HFM1: variants seen among roughly 807,000 people sequenced by gnomAD.
The protein encoded by HFM1 is probable ATP-dependent DNA helicase HFM1.
A neutral mutation model predicts 192.1 loss-of-function variants in HFM1; 169 were observed. The observed-to-expected ratio is 0.88, with a 90% CI of 0.78 to 1.00. The LOEUF (loss-of-function observed/expected upper bound fraction) is 1.00. Ranked by LOEUF, HFM1 falls within the 50% of genes least tolerant of loss-of-function variation. HFM1 has a pLI of 0.00. For missense variants in HFM1, 1,661 were observed against 1,668.0 expected (o/e 1.00, Z 0.07); for synonymous variants, 525 against 537.8 (o/e 0.98, Z 0.33).
intron 19 of HFM1, among the ~76,000 whole-genome samples, chr1:91,344,944 A>C (rs1163444799): frequency 1.3e-5 from 2 of 151,634 alleles, no homozygotes; most frequent in African/African-American, 2.4e-5. Context: ...TAAAGGTGGG[A>C]TCTCCCTATG....
chr1:91,305,086 G>A (rs1463328336), intron 30 of HFM1, among the ~76,000 whole-genome samples: 2 of 152,226 alleles, frequency 1.3e-5, no homozygotes, highest in Non-Finnish European at 2.9e-5. Context: ...AACAAGTTTT[G>A]AAACCAAGAA....
chr1:91,365,967 T>C (rs1262430622), intron 13 of HFM1, among the ~76,000 whole-genome samples: 5 of 48,230 alleles, frequency 1.0e-4, no homozygotes, highest in African/African-American at 7.4e-4. Context: ...GGTATGTTCC[T>C]GAAAAAAAAA....
chr1:91,319,990 A>G (rs1016033909), intron 23 of HFM1, among the ~76,000 whole-genome samples: 2 of 152,252 alleles, frequency 1.3e-5, no homozygotes, highest in East Asian at 1.9e-4. Context: ...GTTCAAGGGG[A>G]AAAAAGACAC....
At chr1:91,332,734 A>T (rs1394038445) in intron 20 of HFM1, among the ~76,000 whole-genome samples, 1 of 152,194 alleles carries the variant, frequency 6.6e-6, no homozygotes, top group Non-Finnish European at 1.5e-5. Context: ...ATATATAAGG[A>T]GCTCAAACAA....
At chr1:91,370,217 G>A (rs1455716502) in intron 13 of HFM1, among the ~76,000 whole-genome samples, 1 of 152,036 alleles carries the variant, frequency 6.6e-6, no homozygotes, top group African/African-American at 2.4e-5. Context: ...AGAAAAAGAG[G>A]GAATCCTCCC....
chr1:91,357,725 C>T (rs1478898701), intron 13 of HFM1, among the ~76,000 whole-genome samples: 1 of 152,134 alleles, frequency 6.6e-6, no homozygotes, highest in Non-Finnish European at 1.5e-5. Flanking sequence ...CATTAAAAAA[C>T]TGTTAGAACT....
At chr1:91,321,471 A>G (rs1009135504) in intron 23 of HFM1, among the ~76,000 whole-genome samples, 2 of 151,978 alleles carry the variant, frequency 1.3e-5, no homozygotes, top group African/African-American at 4.8e-5. Flanking sequence ...AAATAAAAAT[A>G]ATAAAAAGGG....
intron 36 of HFM1, 74 bp from the exon 37 acceptor site, chr1:91,262,666 T>C: frequency 1.1e-6 from 1 of 889,506 alleles, no homozygotes; most frequent in Non-Finnish European, 1.8e-6. Flanking sequence ...CATAATGATT[T>C]TTGGGGAATA....
intron 20 of HFM1, among the ~76,000 whole-genome samples, chr1:91,336,928 C>A (rs918205917): frequency 6.6e-6 from 1 of 152,172 alleles, no homozygotes; most frequent in Non-Finnish European, 1.5e-5. Context: ...ATGTCCTCTG[C>A]AGGAAAATGG....
At chr1:91,300,849 G>T (rs1330203206) in intron 30 of HFM1, among the ~76,000 whole-genome samples, 2 of 152,146 alleles carry the variant, frequency 1.3e-5, no homozygotes, top group Non-Finnish European at 2.9e-5. Flanking sequence ...ACAAAAACTG[G>T]AAGCATTCCC....
intron 30 of HFM1, among the ~76,000 whole-genome samples, chr1:91,278,958 A>G (rs979894830): frequency 6.6e-6 from 1 of 152,032 alleles, no homozygotes; most frequent in Admixed American, 6.6e-5. Context: ...AAATAATGAA[A>G]CATCCCCCTC....
intron 20 of HFM1, among the ~76,000 whole-genome samples, chr1:91,339,370 G>A (rs375346379): frequency 2.0e-5 from 3 of 151,918 alleles, no homozygotes; most frequent in Non-Finnish European, 4.4e-5. Context: ...TCAGAAAGTT[G>A]AAGTCCAATC....
At chr1:91,369,682 T>G (rs957165900) in intron 13 of HFM1, among the ~76,000 whole-genome samples, 2 of 151,882 alleles carry the variant, frequency 1.3e-5, no homozygotes, top group African/African-American at 4.8e-5. Context: ...TTAAAAGAAC[T>G]AGGGAAGCAA....
At chr1:91,325,842 T>C (rs1216955159) in intron 20 of HFM1, among the ~76,000 whole-genome samples, 1 of 151,992 alleles carries the variant, frequency 6.6e-6, no homozygotes, top group Non-Finnish European at 1.5e-5. Context: ...TTGAAGAAAC[T>C]CAAAGAAATT....
At chr1:91,347,914 C>T (rs1656360428) in intron 18 of HFM1, among the ~76,000 whole-genome samples, 1 of 152,236 alleles carries the variant, frequency 6.6e-6, no homozygotes, top group African/African-American at 2.4e-5. Context: ...ACAATGTTCA[C>T]AGCAGCATTA....
At chr1:91,353,178 AC>A in intron 14 of HFM1, 26 bp from the exon 15 acceptor site, 1 of 1,565,440 alleles carries the variant, frequency 6.4e-7, no homozygotes, top group Non-Finnish European at 8.8e-7. Context: ...ATCAGCTGTT[AC>A]TATTAATATT....
At chr1:91,381,435 CCT>C (rs1346326710) in intron 6 of HFM1, among the ~76,000 whole-genome samples, 2 of 152,072 alleles carry the variant, frequency 1.3e-5, no homozygotes, top group African/African-American at 4.8e-5. Context: ...TTTCTGGTTA[CCT>C]AATACCAAAT....
chr1:91,390,090 A>G (rs166856), intron 4 of HFM1, among the ~76,000 whole-genome samples: 152,170 of 152,352 alleles, frequency 1, 75,994 homozygotes, highest in East Asian at 1. Flanking sequence ...ACTGATAAGT[A>G]AATAAACAAA....
intron 13 of HFM1, among the ~76,000 whole-genome samples, chr1:91,370,172 T>C (rs934768968): frequency 1.3e-5 from 2 of 151,484 alleles, no homozygotes; most frequent in African/African-American, 2.4e-5. Context: ...CAAGGAGGAG[T>C]TGTTACCATT....
Sources: allele counts gnomAD v4.1 joint callset (sites outside exome capture counted in the v4.1 genomes callset), GRCh38; gene constraint gnomAD v4.1.1; transcripts MANE v1.5; gene names NCBI Gene and HGNC (gene_info 2026-07-23, HGNC 2026-07-21).